The following EGLN1 variants were observed in gnomAD, a reference collection of about 807,000 sequenced individuals.
The protein encoded by EGLN1 is egl nine homolog 1.
In EGLN1, 17 loss-of-function variants were observed where a neutral mutation model predicts 38.3. The ratio of observed to expected loss-of-function variants is 0.44; its 90% CI spans 0.30 to 0.67. The LOEUF is 0.67. Among genes scored for constraint, EGLN1 ranks in the 30% least tolerant of loss-of-function variants. The probability of loss-of-function intolerance (pLI) is 0.08; values close to 1 mark genes in which losing one functional copy is unlikely to be tolerated. For missense variants in EGLN1, 477 were observed against 603.3 expected, an observed-to-expected ratio of 0.79 and a Z score of 2.19; for synonymous variants, 283 against 257.5, an observed-to-expected ratio of 1.10 and a Z score of -0.95.
intron 1 of EGLN1, among the ~76,000 whole-genome samples, chr1:231,375,548 T>G (rs1687937463): frequency 6.6e-6 from 1 of 152,242 alleles, no homozygotes; most frequent in Admixed American, 6.5e-5. Flanking sequence ...TTAAAAATCC[T>G]GTTTCCCTAG....
At chr1:231,412,205 T>G (rs1344595009) in intron 1 of EGLN1, among the ~76,000 whole-genome samples, 2 of 152,090 alleles carry the variant, frequency 1.3e-5, no homozygotes, top group Non-Finnish European at 2.9e-5. Flanking sequence ...CCCTAAGCTA[T>G]CAGTAACTTT....
At chr1:231,399,634 T>C (rs1383268640) in intron 1 of EGLN1, among the ~76,000 whole-genome samples, 1 of 151,942 alleles carries the variant, frequency 6.6e-6, no homozygotes, top group Non-Finnish European at 1.5e-5. Flanking sequence ...CCAGGTACAG[T>C]GCTTTACATA....
chr1:231,381,117 G>A (rs1688070331), intron 1 of EGLN1, among the ~76,000 whole-genome samples: 1 of 152,108 alleles, frequency 6.6e-6, no homozygotes, highest in Non-Finnish European at 1.5e-5. Flanking sequence ...ACGTTGTTCA[G>A]GCTGGTCTTG....
intron 1 of EGLN1, among the ~76,000 whole-genome samples, chr1:231,387,157 T>C (rs755806883): frequency 2.1e-5 from 3 of 145,714 alleles, no homozygotes; most frequent in Non-Finnish European, 4.5e-5. Flanking sequence ...CTGTGGCTAG[T>C]CAAAAAAAAA....
chr1:231,397,473 G>C (rs1327497103), intron 1 of EGLN1, among the ~76,000 whole-genome samples: 1 of 152,164 alleles, frequency 6.6e-6, no homozygotes, highest in Middle Eastern at 3.2e-3. Flanking sequence ...GCCTACCACT[G>C]ATTTTTGTAA....
At chr1:231,400,879 A>G (rs2790875) in intron 1 of EGLN1, among the ~76,000 whole-genome samples, 82,723 of 151,874 alleles carry the variant, frequency 0.54, 24,178 homozygotes, top group Non-Finnish European at 0.65. Context: ...GTGAAACCCC[A>G]TCTCTACAAA....
At chr1:231,385,959 C>G (rs1047417853) in intron 1 of EGLN1, among the ~76,000 whole-genome samples, 1 of 152,110 alleles carries the variant, frequency 6.6e-6, no homozygotes, top group African/African-American at 2.4e-5. Context: ...CCTGCCTCAG[C>G]CTCCTGAGTA....
At chr1:231,381,908 C>A (rs1688087202) in intron 1 of EGLN1, among the ~76,000 whole-genome samples, 1 of 152,226 alleles carries the variant, frequency 6.6e-6, no homozygotes, top group Non-Finnish European at 1.5e-5. Context: ...CCTCTCTCCA[C>A]AAGGAGACTG....
At chr1:231,387,376 T>TG (rs1293194315) in intron 1 of EGLN1, among the ~76,000 whole-genome samples, 1 of 150,604 alleles carries the variant, frequency 6.6e-6, no homozygotes, top group Non-Finnish European at 1.5e-5. Flanking sequence ...TTTTTTTTTT[T>TG]TGTGACGGCG....
chr1:231,387,652 C>A (rs956378290), intron 1 of EGLN1, among the ~76,000 whole-genome samples: 1 of 152,188 alleles, frequency 6.6e-6, no homozygotes, highest in African/African-American at 2.4e-5. Context: ...AGCCACCACA[C>A]CCGGCCGCAA....
intron 1 of EGLN1, among the ~76,000 whole-genome samples, chr1:231,390,299 C>G (rs958860786): frequency 6.6e-6 from 1 of 152,216 alleles, no homozygotes; most frequent in African/African-American, 2.4e-5. Flanking sequence ...ATCTACCTCA[C>G]AGGGGTATGA....
chr1:231,395,813 C>T (rs1688509754), intron 1 of EGLN1, among the ~76,000 whole-genome samples: 1 of 152,098 alleles, frequency 6.6e-6, no homozygotes. Context: ...ATCTGGGCAT[C>T]CATGCCAGAC....
intron 1 of EGLN1, among the ~76,000 whole-genome samples, chr1:231,394,994 G>A (rs1351913571): frequency 6.6e-6 from 1 of 152,150 alleles, no homozygotes; most frequent in East Asian, 1.9e-4. Flanking sequence ...GTGTTAAAAT[G>A]CATATTCTGA....
intron 1 of EGLN1, among the ~76,000 whole-genome samples, chr1:231,395,798 G>A (rs1688509525): frequency 6.6e-6 from 1 of 152,162 alleles, no homozygotes; most frequent in Non-Finnish European, 1.5e-5. Context: ...TGTTGGAAAT[G>A]TAGAATCTGG....
chr1:231,408,083 C>T (rs1368322811), intron 1 of EGLN1, among the ~76,000 whole-genome samples: 1 of 152,132 alleles, frequency 6.6e-6, no homozygotes, highest in African/African-American at 2.4e-5. Context: ...TAGTATAAAA[C>T]CTTTCCTTCC....
chr1:231,401,543 GA>G (rs1405125925), intron 1 of EGLN1, among the ~76,000 whole-genome samples: 1 of 151,812 alleles, frequency 6.6e-6, no homozygotes, highest in Non-Finnish European at 1.5e-5. Context: ...ATTTGTGACA[GA>G]AAAAAATTAC....
In EGLN1 at chr1:231,421,323, G is replaced by A. The variant is rs2102947264; in HGVS notation, c.566C>T (p.Pro189Leu). 6.2e-7 allele frequency: 1 copy of A among 1,612,390 alleles called. No individual in the cohort carries two copies. Among genetic ancestry groups the A allele is most frequent in the South Asian group, 1.1e-5 (1 of 91,010 alleles). The change falls in exon 1 of 5, where the codon CCG (proline) becomes CTG (leucine). Residue 189 changes from proline to leucine, a missense_variant. Coordinates refer to ENST00000366641, the MANE Select transcript of EGLN1 (RefSeq NM_022051.3). The surrounding 1 kb of genome is among the most constrained non-coding windows in gnomAD (Gnocchi z 5.5). Reference sequence around the variant, plus strand: ...GTACTCGAGCGCCAGCTTCAGCGCCGGCAGGGGCTTCGTCTGCCCGTTGGG... The same window carrying A: ...GTACTCGAGCGCCAGCTTCAGCGCCAGCAGGGGCTTCGTCTGCCCGTTGGG... ...LRPNGQTKPL[P>L]ALKLALEYIV...
chr1:231,398,148 T>C (rs1688578566), intron 1 of EGLN1, among the ~76,000 whole-genome samples: 1 of 152,194 alleles, frequency 6.6e-6, no homozygotes, highest in Admixed American at 6.5e-5. Context: ...CCGAAATATT[T>C]TAGATGACAG....
chr1:231,411,183 G>T (rs1327361537), intron 1 of EGLN1, among the ~76,000 whole-genome samples: 2 of 152,118 alleles, frequency 1.3e-5, no homozygotes, highest in African/African-American at 4.8e-5. Context: ...CTGGATCATG[G>T]TGACAGTTTC....
Sources: gnomAD v4.1 joint callset for allele counts (sites outside exome capture counted in the v4.1 genomes callset) on GRCh38, gnomAD v4.1.1 for gene constraint, Gnocchi (gnomAD v3.1) non-coding constraint, MANE v1.5 for transcripts, NCBI Gene and HGNC (gene_info 2026-07-23, HGNC 2026-07-21) for gene names.